Variants in DLC1 observed in about 807,000 individuals in gnomAD.
DLC1 encodes DLC1 Rho GTPase activating protein.
In DLC1, 54 loss-of-function variants were observed where a neutral mutation model predicts 140.3. The ratio of observed to expected loss-of-function variants is 0.38; its 90% CI spans 0.31 to 0.48. DLC1 has a LOEUF of 0.48. Ranked by LOEUF, DLC1 falls within the 20% of genes least tolerant of loss-of-function variation. DLC1 has a pLI of 0.96. For missense variants in DLC1, 2,536 were observed against 1,907.0 expected (o/e 1.33, Z -6.14); for synonymous variants, 986 against 728.1 (o/e 1.35, Z -5.70).
chr8:13,582,260 A>G (rs1035464877), intron 1 of DLC1, among the ~76,000 whole-genome samples: 1 of 152,076 alleles, frequency 6.6e-6, no homozygotes, highest in African/African-American at 2.4e-5. Flanking sequence ...TTTTGCATAC[A>G]CTCTCTTCAA....
At chr8:13,448,457 G>A (rs1285073669) in intron 2 of DLC1, among the ~76,000 whole-genome samples, 1 of 151,322 alleles carries the variant, frequency 6.6e-6, no homozygotes, top group African/African-American at 2.4e-5. Flanking sequence ...TCCACCTCCT[G>A]GTTCAAGTGA....
chr8:13,234,190 G>A (rs1177706411), intron 5 of DLC1, among the ~76,000 whole-genome samples: 1 of 152,044 alleles, frequency 6.6e-6, no homozygotes, highest in African/African-American at 2.4e-5. Context: ...GGAAATACAG[G>A]GAAAATGTGG....
intron 5 of DLC1, among the ~76,000 whole-genome samples, chr8:13,204,817 A>C (rs1457892192): frequency 1.3e-5 from 2 of 152,202 alleles, no homozygotes; most frequent in East Asian, 1.9e-4. Context: ...TCAGCCAGAA[A>C]ACTGTTTTTA....
chr8:13,386,172 C>A (rs887497505), intron 4 of DLC1, among the ~76,000 whole-genome samples: 4 of 152,108 alleles, frequency 2.6e-5, no homozygotes, highest in Non-Finnish European at 4.4e-5. Flanking sequence ...ATGCAAAGTA[C>A]TATTCATATG....
intron 5 of DLC1, among the ~76,000 whole-genome samples, chr8:13,177,780 A>G (rs1825831909): frequency 6.6e-6 from 1 of 152,238 alleles, no homozygotes; most frequent in South Asian, 2.1e-4. Context: ...TGTAAAAACC[A>G]GTGCTACACC....
At chr8:13,221,627 T>C (rs1252210120) in intron 5 of DLC1, among the ~76,000 whole-genome samples, 5 of 149,860 alleles carry the variant, frequency 3.3e-5, no homozygotes, top group Non-Finnish European at 5.9e-5. Context: ...CTCCTTGGCC[T>C]CCCAAAGTGC....
At chr8:13,546,911 C>G (rs1432078643) in intron 1 of DLC1, among the ~76,000 whole-genome samples, 2 of 151,978 alleles carry the variant, frequency 1.3e-5, no homozygotes, top group African/African-American at 4.8e-5. Context: ...TTTATGTATC[C>G]TAGAGTGAAG....
chr8:13,324,233 T>C (rs1488809527), intron 4 of DLC1, among the ~76,000 whole-genome samples: 1 of 152,226 alleles, frequency 6.6e-6, no homozygotes, highest in East Asian at 1.9e-4. Flanking sequence ...TTTAGTAGTT[T>C]ATATTATTGA....
intron 5 of DLC1, among the ~76,000 whole-genome samples, chr8:13,224,058 G>C (rs1828676626): frequency 1.3e-5 from 2 of 151,800 alleles, no homozygotes; most frequent in Admixed American, 6.6e-5. Context: ...CAGATTCTGA[G>C]GGAGTATGAT....
rs537530159 is a variant in DLC1 at position 13,306,269 on chromosome 8, G to A, written c.1315-967C>T. ...GATTTTTAAAAATAGGGTTCAGAAT[G>A]AGATCTTTCCAAGAACTTAAAGCTT... On this transcript the variant is annotated intron_variant, in intron 4 of 17. Coordinates refer to ENST00000276297, the MANE Select transcript of DLC1 (RefSeq NM_182643.3). 3.3e-5 allele frequency among the ~76,000 whole-genome samples: 5 copies of A among 152,314 alleles called. No homozygotes were observed. The East Asian group carries it at 9.7e-4, about 29-fold the overall frequency.
At chr8:13,453,408 A>ATATATATATATATATATATATATGTG (rs1563359524) in intron 2 of DLC1, among the ~76,000 whole-genome samples, 19 of 52,320 alleles carry the variant, frequency 3.6e-4, no homozygotes, top group Admixed American at 8.4e-4. Context: ...ATATGTGTAT[A>ATATATATATATATATATATATATGTG]TATATATATA....
chr8:13,223,132 A>G (rs1453886151), intron 5 of DLC1, among the ~76,000 whole-genome samples: 10 of 152,154 alleles, frequency 6.6e-5, no homozygotes, highest in African/African-American at 2.2e-4. Context: ...TTGTGCCTCA[A>G]TATTTTCTTT....
In DLC1 at chr8:13,386,636, G is replaced by A. The variant is rs373080896; in HGVS notation, c.1314+6917C>T. 2.0e-3 allele frequency among the ~76,000 whole-genome samples: 298 copies of A among 152,122 alleles called. 7 individuals carry two copies. In the South Asian group the frequency reaches 0.042, roughly 21 times the overall value. ...ATTTTAAATATAAAAGTAAATGGCC[G>A]TGGAAATATTTCTGTTTTTCAAAGT... On this transcript the variant is annotated intron_variant, in intron 4 of 17. Transcript: ENST00000276297.
At chr8:13,358,654 A>G (rs1835061479) in intron 4 of DLC1, among the ~76,000 whole-genome samples, 1 of 151,754 alleles carries the variant, frequency 6.6e-6, no homozygotes, top group African/African-American at 2.4e-5. Flanking sequence ...GTTTTCTAGT[A>G]CCCTCAAAAA....
intron 5 of DLC1, among the ~76,000 whole-genome samples, chr8:13,195,083 A>T (rs2117042080): frequency 6.6e-6 from 1 of 152,276 alleles, no homozygotes; most frequent in East Asian, 1.9e-4. Context: ...CACTGAGAAA[A>T]TTACTGAGCA....
In DLC1 at chr8:13,500,162, A is replaced by G; in HGVS notation, c.-91T>C. 1.7e-6 allele frequency: 2 copies of G among 1,206,732 alleles called. No individual in the cohort carries two copies. Among genetic ancestry groups the G allele is most frequent in the Non-Finnish European group, 2.3e-6 (2 of 865,796 alleles). The allele number at this position is 1,206,732 out of a possible 1,614,324, so 74.8% of individuals were successfully genotyped here. On this transcript the variant is annotated 5_prime_UTR_variant, in exon 2 of 18. Coordinates refer to ENST00000276297, the MANE Select transcript of DLC1 (RefSeq NM_182643.3). The stretch of plus-strand genomic sequence containing the variant: ...ATGAAAGATTATTTCAAAATCACCA[A>G]TCAAAGAAGCGAATGAGTTCTGTCA...
chr8:13,490,909 T>A (rs963586030), intron 2 of DLC1, among the ~76,000 whole-genome samples: 23 of 150,870 alleles, frequency 1.5e-4, no homozygotes, highest in Non-Finnish European at 2.1e-4. Context: ...TCGTAACTAA[T>A]TTTTTTTCCC....
intron 5 of DLC1, among the ~76,000 whole-genome samples, chr8:13,289,448 AC>A (rs1440764802): frequency 6.6e-6 from 1 of 151,970 alleles, no homozygotes; most frequent in Non-Finnish European, 1.5e-5. Flanking sequence ...TACCTCAGCC[AC>A]CTGAGTAGCT....
intron 5 of DLC1, among the ~76,000 whole-genome samples, chr8:13,282,119 A>G (rs767980489): frequency 4.6e-5 from 7 of 152,220 alleles, no homozygotes; most frequent in Non-Finnish European, 1.0e-4. Context: ...CTACTGGGCT[A>G]GATGGTCTCA....
Sources: allele counts gnomAD v4.1 joint callset (sites outside exome capture counted in the v4.1 genomes callset), GRCh38; gene constraint gnomAD v4.1.1; transcripts MANE v1.5; gene names NCBI Gene and HGNC (gene_info 2026-07-23, HGNC 2026-07-21).